Variants in DOCK8 observed in about 807,000 individuals in gnomAD.
DOCK8 encodes dedicator of cytokinesis 8.
Under a neutral mutation model 245.6 loss-of-function variants are expected in DOCK8, and 141 were observed. The observed-to-expected ratio is 0.57, with a 90% CI of 0.50 to 0.66. The LOEUF is 0.66. DOCK8 is among the 30% of genes least tolerant of loss of function. The pLI, the probability that DOCK8 is intolerant of heterozygous loss-of-function variation, is 0.00. For synonymous variants in DOCK8, 1,168 were observed against 970.2 expected (o/e 1.20, Z -3.79); for missense variants, 2,965 against 2,603.4 (o/e 1.14, Z -3.02).
chr9:317,039 A>C lies in DOCK8; in HGVS notation c.742-4A>C, dbSNP rs752079708. Reference sequence around the variant, plus strand: ...TGATTTCCTTACGATGTGATTAAAAATAGGAGGATGCTGTGGAAATACGTC... The same window carrying C: ...TGATTTCCTTACGATGTGATTAAAACTAGGAGGATGCTGTGGAAATACGTC... On this transcript the variant is annotated splice_region_variant and splice_polypyrimidine_tract_variant and intron_variant, in intron 6 of 47. Coordinates refer to ENST00000432829, the MANE Select transcript of DOCK8 (RefSeq NM_203447.4). 7 of 1,610,842 alleles carry C rather than the reference A, an allele frequency of 4.3e-6. No individual in the cohort carries two copies. Among genetic ancestry groups the C allele is most frequent in the Non-Finnish European group, 5.1e-6 (6 of 1,176,930 alleles).
intron 14 of DOCK8, among the ~76,000 whole-genome samples, chr9:342,803 G>C (rs1424330414): frequency 1.3e-5 from 2 of 152,014 alleles, no homozygotes; most frequent in Non-Finnish European, 2.9e-5. Flanking sequence ...GTATTCCTTT[G>C]TGAAGAGGCC....
At chr9:215,273 G>A (rs775099204) in intron 1 of DOCK8, 2 of 1,606,106 alleles carry the variant, frequency 1.2e-6, no homozygotes, top group Non-Finnish European at 8.5e-7. Flanking sequence ...GTCCTCAGCC[G>A]CCGGGGATCC....
At position 376,882 on chromosome 9, in the gene DOCK8, T is replaced by C. The variant is rs574066592; in HGVS notation, c.2206-95T>C. On this transcript the variant is annotated intron_variant, in intron 19 of 47. Coordinates refer to ENST00000432829, the MANE Select transcript of DOCK8 (RefSeq NM_203447.4). ...CTGGTCTGAAACGCTGGATAAGAGG[T>C]TCTACCCATAAAGAGCTATTCGATT... 421 of 1,115,804 alleles carry C rather than the reference T, an allele frequency of 3.8e-4. 6 individuals are homozygous for C. The South Asian group carries it at 5.4e-3, about 14-fold the overall frequency. 69.1% of individuals were successfully genotyped at this position (1,115,804 alleles called of 1,614,324 possible).
At chr9:297,138 AAG>A (rs1461849809) in intron 4 of DOCK8, among the ~76,000 whole-genome samples, 3 of 152,196 alleles carry the variant, frequency 2.0e-5, no homozygotes, top group Admixed American at 2.0e-4. Context: ...TGTGAAAGGA[AAG>A]AGAGGGTAGG....
intron 46 of DOCK8, among the ~76,000 whole-genome samples, chr9:463,197 G>C (rs1277093816): frequency 6.6e-6 from 1 of 151,946 alleles, no homozygotes; most frequent in African/African-American, 2.4e-5. Flanking sequence ...GTCGAAGTTT[G>C]CCATGAGCTG....
Position 325,746 on chromosome 9 carries a change from G to C in DOCK8, c.894+9G>C, listed in dbSNP as rs764760596. On this transcript the variant is annotated intron_variant, in intron 8 of 47. Transcript: ENST00000432829. ...TTAAAGAAAGGAAAAAGGTAAGAAA[G>C]CAAAGAAAAATCCATCCCTAAGGCA... The C allele has an allele frequency of 8.1e-6, 13 of 1,612,494 alleles. No individual in the cohort carries two copies. In the South Asian group the frequency reaches 1.3e-4, roughly 16 times the overall value.
At chr9:423,377 C>G (rs1262824064) in intron 33 of DOCK8, among the ~76,000 whole-genome samples, 3 of 152,116 alleles carry the variant, frequency 2.0e-5, no homozygotes, top group Non-Finnish European at 2.9e-5. Flanking sequence ...TAATGAGTCC[C>G]AGGGTTTGCT....
intron 4 of DOCK8, among the ~76,000 whole-genome samples, chr9:293,914 A>T (rs1563885962): frequency 6.6e-6 from 1 of 152,226 alleles, no homozygotes; most frequent in Non-Finnish European, 1.5e-5. Flanking sequence ...CATTAAGGAA[A>T]AGGCAAATCT....
chr9:294,259 C>T (rs1178004477), intron 4 of DOCK8, among the ~76,000 whole-genome samples: 1 of 152,180 alleles, frequency 6.6e-6, no homozygotes, highest in Non-Finnish European at 1.5e-5. Flanking sequence ...ACAAACATAT[C>T]TGCACATTTG....
intron 24 of DOCK8, among the ~76,000 whole-genome samples, chr9:395,099 T>C (rs1487175239): frequency 6.6e-6 from 1 of 152,100 alleles, no homozygotes; most frequent in Non-Finnish European, 1.5e-5. Flanking sequence ...AGAGGCTTTT[T>C]TCGGACAAAA....
intron 46 of DOCK8, among the ~76,000 whole-genome samples, chr9:461,504 G>C (rs1440635770): frequency 1.5e-5 from 2 of 131,440 alleles, no homozygotes; most frequent in African/African-American, 6.2e-5. Flanking sequence ...TTTCCATTGA[G>C]TTTTTTGTCT....
In DOCK8 at chr9:230,543, C is replaced by T. The variant is rs1587624394; in HGVS notation, c.53+15514C>T. 2.0e-5 allele frequency among the ~76,000 whole-genome samples: 3 copies of T among 152,160 alleles called. No individual in the cohort carries two copies. The East Asian group carries it at 5.8e-4, about 29-fold the overall frequency. On this transcript the variant is annotated intron_variant, in intron 1 of 47. Transcript: ENST00000432829. ...CAGTGTAAAAGTGTTCCTATTTCTC[C>T]ACATCCTCTCCGGCACCTGTTGTTT...
chr9:370,101 C>A, intron 15 of DOCK8, 129 bp from the exon 16 acceptor site: 1 of 822,920 alleles, frequency 1.2e-6, no homozygotes, highest in Non-Finnish European at 2.1e-6. Context: ...CTGCTCCTGG[C>A]CAACCCAGCA....
intron 22 of DOCK8, among the ~76,000 whole-genome samples, chr9:383,700 C>CA (rs1164310899): frequency 0.078 from 5,467 of 69,736 alleles, 612 homozygotes; most frequent in African/African-American, 0.17. Context: ...GACTCCGTCT[C>CA]AAAAAAAAAA....
intron 2 of DOCK8, among the ~76,000 whole-genome samples, chr9:275,043 G>T (rs523812): frequency 4.6e-5 from 7 of 152,010 alleles, no homozygotes; most frequent in Non-Finnish European, 7.4e-5. Flanking sequence ...GGTGAATCTG[G>T]GATGAGGTAC....
intron 1 of DOCK8, among the ~76,000 whole-genome samples, chr9:223,360 T>C (rs768766001): frequency 5.3e-5 from 8 of 152,190 alleles, no homozygotes; most frequent in Non-Finnish European, 8.8e-5. Flanking sequence ...CTAAGTGCTG[T>C]GCTAAGCCCC....
At chr9:333,398 G>GAGCA (rs1563931576) in intron 10 of DOCK8, among the ~76,000 whole-genome samples, 3 of 152,170 alleles carry the variant, frequency 2.0e-5, no homozygotes, top group African/African-American at 4.8e-5. Context: ...TCAGAAGATT[G>GAGCA]AGACCATCCT....
chr9:381,213 C>T (rs1442572774), intron 21 of DOCK8: 1 of 152,084 alleles, frequency 6.6e-6, no homozygotes, highest in African/African-American at 2.4e-5. Flanking sequence ...ATCTTTCTTC[C>T]TCCCTCCTTG....
chr9:239,479 G>C (rs992518592), intron 1 of DOCK8, among the ~76,000 whole-genome samples: 1 of 152,190 alleles, frequency 6.6e-6, no homozygotes, highest in Non-Finnish European at 1.5e-5. Context: ...TTGTATGAGA[G>C]ATGGGAAAGA....
Sources: allele counts gnomAD v4.1 joint callset (sites outside exome capture counted in the v4.1 genomes callset), GRCh38; gene constraint gnomAD v4.1.1; transcripts MANE v1.5; gene names NCBI Gene and HGNC (gene_info 2026-07-23, HGNC 2026-07-21).